The following FTO variants were observed in gnomAD, a reference collection of about 807,000 sequenced individuals.
FTO encodes the protein FTO alpha-ketoglutarate dependent dioxygenase.
A neutral mutation model predicts 63.9 loss-of-function variants in FTO; 47 were observed. The ratio of observed to expected loss-of-function variants is 0.74; its 90% confidence interval spans 0.58 to 0.94. The LOEUF is 0.94. FTO is among the 40% of genes least tolerant of loss of function. The probability of loss-of-function intolerance (pLI) is 0.00; values close to 1 mark genes in which losing one functional copy is unlikely to be tolerated. For missense variants in FTO, 562 were observed against 618.1 expected (o/e 0.91, Z 0.96); for synonymous variants, 207 against 224.4 (o/e 0.92, Z 0.69).
At chr16:54,085,374 C>T (rs1318776601) in intron 8 of FTO, among the ~76,000 whole-genome samples, 2 of 152,184 alleles carry the variant, frequency 1.3e-5, no homozygotes, top group Non-Finnish European at 2.9e-5. Flanking sequence ...CTGCATTGGG[C>T]CTGTAGGGTC....
At chr16:53,733,540 C>T (rs2076320142) in intron 1 of FTO, among the ~76,000 whole-genome samples, 1 of 152,192 alleles carries the variant, frequency 6.6e-6, no homozygotes. Context: ...GAGGATTCTT[C>T]TCAGTTAAGT....
intron 1 of FTO, among the ~76,000 whole-genome samples, chr16:53,809,904 G>C (rs1276614236): frequency 1.3e-5 from 2 of 151,950 alleles, no homozygotes; most frequent in Non-Finnish European, 2.9e-5. Flanking sequence ...TCACACCACT[G>C]TATTCCAGCC....
intron 4 of FTO, among the ~76,000 whole-genome samples, chr16:53,868,017 T>TAA (rs2080380624): frequency 6.6e-6 from 1 of 152,218 alleles, no homozygotes. Context: ...CCAGCTTTCT[T>TAA]TAGATTAATG....
At chr16:54,020,166 G>A (rs1107355) in intron 8 of FTO, among the ~76,000 whole-genome samples, 46,877 of 151,970 alleles carry the variant, frequency 0.31, 7,713 homozygotes, top group South Asian at 0.44. Flanking sequence ...AAATTATACT[G>A]TATGCCTCAG....
intron 8 of FTO, among the ~76,000 whole-genome samples, chr16:54,100,113 T>C (rs934094892): frequency 6.6e-6 from 1 of 152,130 alleles, no homozygotes; most frequent in Non-Finnish European, 1.5e-5. Flanking sequence ...CAGGTGCCAT[T>C]AGGAAACTCA....
At position 53,879,871 on chromosome 16, in the gene FTO, T is replaced by C; in HGVS notation, c.1003T>C (p.Leu335=). Residue 335 remains leucine (L), a synonymous_variant, in exon 6 of 9, where the codon TTA becomes CTA. Coordinates refer to ENST00000471389, the MANE Select transcript of FTO (RefSeq NM_001080432.3). ...ECSTGTLDYI[L]QRCQLALQNV... is the part of the protein sequence containing the mutation. ...CTCAACAGGAACCTTGGATTATATT[T>C]TACAACGCTGTCAGTTGGCTCTGCA... 6.2e-7 allele frequency: 1 copy of C among 1,614,032 alleles called. No individual in the cohort carries two copies. The highest frequency in any genetic ancestry group is 8.5e-7 in the Non-Finnish European group (1 of 1,179,960).
At chr16:53,823,972 A>C (rs577764349) in intron 2 of FTO, among the ~76,000 whole-genome samples, 1 of 152,300 alleles carries the variant, frequency 6.6e-6, no homozygotes, top group South Asian at 2.1e-4. Flanking sequence ...TTCTACCTAC[A>C]ACGTATGTAT....
intron 8 of FTO, among the ~76,000 whole-genome samples, chr16:53,980,616 G>A (rs1253519412): frequency 6.6e-6 from 1 of 152,134 alleles, no homozygotes; most frequent in Non-Finnish European, 1.5e-5. Flanking sequence ...AACCAGGTTA[G>A]GATCCAAAAA....
intron 8 of FTO, among the ~76,000 whole-genome samples, chr16:54,027,421 A>G (rs2084738743): frequency 6.6e-6 from 1 of 152,198 alleles, no homozygotes; most frequent in Admixed American, 6.5e-5. Context: ...TTTAGCATAC[A>G]TCACATCGAA....
At chr16:53,938,816 A>G (rs528569185) in intron 8 of FTO, among the ~76,000 whole-genome samples, 21 of 152,190 alleles carry the variant, frequency 1.4e-4, no homozygotes, top group African/African-American at 4.6e-4. Context: ...TTGGCTGGGC[A>G]TGGTGGCTCA....
intron 8 of FTO, among the ~76,000 whole-genome samples, chr16:53,961,964 C>T (rs1038465567): frequency 1.3e-5 from 2 of 152,126 alleles, no homozygotes; most frequent in Non-Finnish European, 2.9e-5. Flanking sequence ...CAATGAGAAC[C>T]CATCAGAACA....
chr16:53,962,752 A>G, intron 8 of FTO, among the ~76,000 whole-genome samples: 1 of 152,230 alleles, frequency 6.6e-6, no homozygotes, highest in East Asian at 1.9e-4. Flanking sequence ...GTTGGTCTGC[A>G]TTATTTCTGA....
At chr16:54,083,734 A>T (rs1480008183) in intron 8 of FTO, among the ~76,000 whole-genome samples, 1 of 152,152 alleles carries the variant, frequency 6.6e-6, no homozygotes, top group Admixed American at 6.6e-5. Flanking sequence ...GCATCCTTCC[A>T]AAGTGCACCA....
intron 1 of FTO, among the ~76,000 whole-genome samples, chr16:53,718,571 A>T (rs903259306): frequency 3.3e-5 from 5 of 151,956 alleles, no homozygotes; most frequent in African/African-American, 1.2e-4. Flanking sequence ...GTTATAGCAG[A>T]TAGTCATGTC....
chr16:53,740,210 GA>G (rs2076498835), intron 1 of FTO, among the ~76,000 whole-genome samples: 1 of 152,168 alleles, frequency 6.6e-6, no homozygotes, highest in African/African-American at 2.4e-5. Flanking sequence ...CTGACAGCTA[GA>G]GTGGCTTTGT....
At chr16:53,990,519 A>T (rs1599156010) in intron 8 of FTO, among the ~76,000 whole-genome samples, 1 of 151,838 alleles carries the variant, frequency 6.6e-6, no homozygotes, top group South Asian at 2.1e-4. Flanking sequence ...TGTTACTTTG[A>T]CCTTCCTCCC....
Position 53,754,285 on chromosome 16 carries a change from G to C in FTO, c.45+50056G>C, listed in dbSNP as rs573344399. Among the ~76,000 whole-genome samples, 3 of 152,304 alleles carry C rather than the reference G, an allele frequency of 2.0e-5. No individual in the cohort carries two copies. The South Asian group carries it at 6.2e-4, about 32-fold the overall frequency. On this transcript the variant is annotated intron_variant, in intron 1 of 8. Transcript: ENST00000471389. ...AAGATTACAAAGCTACTTAATTACA[G>C]AGCTGAATTTGGAATTTAGAATTCC...
intron 7 of FTO, among the ~76,000 whole-genome samples, chr16:53,919,078 C>T (rs1029259917): frequency 3.9e-5 from 6 of 152,108 alleles, no homozygotes; most frequent in Admixed American, 3.9e-4. Flanking sequence ...GCACAGGCGC[C>T]TGATGTCTGG....
intron 2 of FTO, among the ~76,000 whole-genome samples, chr16:53,813,216 CTT>C (rs72112859): frequency 9.0e-5 from 13 of 144,936 alleles, no homozygotes; most frequent in Admixed American, 1.4e-4. Context: ...TTTTTCTTTT[CTT>C]TTTTTTTTTT....
Sources: gnomAD v4.1 joint callset for allele counts (sites outside exome capture counted in the v4.1 genomes callset) on GRCh38, gnomAD v4.1.1 for gene constraint, MANE v1.5 for transcripts, NCBI Gene and HGNC (gene_info 2026-07-23, HGNC 2026-07-21) for gene names.